Variants in LIPH observed in about 807,000 individuals in gnomAD.
LIPH encodes lipase member H.
In LIPH, 32 loss-of-function variants were observed where a neutral mutation model predicts 47.6. The ratio of observed to expected loss-of-function variants is 0.67; its 90% CI spans 0.51 to 0.90. The LOEUF (loss-of-function observed/expected upper bound fraction) is 0.90. LIPH is among the 40% of genes least tolerant of loss of function. The pLI, the probability that LIPH is intolerant of heterozygous loss-of-function variation, is 0.00. For missense variants in LIPH, 497 were observed against 541.4 expected, an observed-to-expected ratio of 0.92 and a Z score of 0.81; for synonymous variants, 190 against 195.6, an observed-to-expected ratio of 0.97 and a Z score of 0.24.
intron 8 of LIPH, among the ~76,000 whole-genome samples, chr3:185,513,673 C>T (rs1315500468): frequency 6.6e-6 from 1 of 152,102 alleles, no homozygotes; most frequent in African/African-American, 2.4e-5. Flanking sequence ...GAGGAGGCAA[C>T]CCAAGTGTTC....
intron 8 of LIPH, 84 bp from the exon 9 acceptor site, chr3:185,511,781 G>T: frequency 2.1e-6 from 2 of 943,112 alleles, no homozygotes; most frequent in Non-Finnish European, 3.4e-6. Context: ...TCACTGGTAA[G>T]CTGGTAACTA....
chr3:185,548,248 T>C (rs1356398716), intron 1 of LIPH, among the ~76,000 whole-genome samples: 1 of 151,336 alleles, frequency 6.6e-6, no homozygotes, highest in Non-Finnish European at 1.5e-5. Context: ...CTACTAAAAA[T>C]ACAAAAATTA....
intron 8 of LIPH, among the ~76,000 whole-genome samples, chr3:185,511,993 C>T (rs935184821): frequency 6.6e-6 from 1 of 152,150 alleles, no homozygotes; most frequent in Non-Finnish European, 1.5e-5. Flanking sequence ...GCCTAGTACA[C>T]ACCAGATGAT....
At chr3:185,519,980 C>T (rs1051563700) in intron 5 of LIPH, among the ~76,000 whole-genome samples, 17 of 151,856 alleles carry the variant, frequency 1.1e-4, no homozygotes, top group Non-Finnish European at 1.9e-4. Context: ...TTCAGGTCCA[C>T]CCTCAAATAT....
At position 185,517,090 on chromosome 3, in the gene LIPH, G is replaced by T; in HGVS notation, c.959C>A (p.Thr320Lys). The T allele has an allele frequency of 6.2e-7, 1 of 1,612,434 alleles. No homozygotes were observed. The highest frequency in any genetic ancestry group is 8.5e-7 in the Non-Finnish European group (1 of 1,178,414). Residue 320 changes from threonine (T) to lysine (K), a missense_variant, in exon 7 of 10, where the codon ACA (threonine) becomes AAA (lysine). Physicochemically the swap from Thr to Lys is moderately conservative, Grantham distance 78. Transcript: ENST00000296252. The stretch of plus-strand genomic sequence containing the variant: ...ACTGCAGAATGGGCTCTCCTCAGCT[G>T]TGTCAAAGAATGCCTTCGTCATTGG... ...DPPMTKAFFD[T>K]AEESPFCMYH...
Position 185,519,272 on chromosome 3 carries a change from T to C in LIPH, c.756A>G (p.Val252=), listed in dbSNP as rs1029949192. The C allele has an allele frequency of 6.2e-7, 1 of 1,613,366 alleles. No homozygotes were observed. The highest frequency in any genetic ancestry group is 8.5e-7 in the Non-Finnish European group (1 of 1,179,320). The change falls in exon 6 of 10, where the codon GTA becomes GTG. Residue 252 remains valine, a synonymous_variant. Transcript: ENST00000296252. ...QYFKCDHQRS[V]YLYLSSLRES... ...CTCTCAGGGAAGACAGGTACAGGTA[T>C]ACAGACCTCTGGTGGTCACATTTAA...
chr3:185,528,442 T>G (rs573632099), intron 3 of LIPH, among the ~76,000 whole-genome samples: 67 of 152,132 alleles, frequency 4.4e-4, no homozygotes, highest in Admixed American at 9.8e-4. Flanking sequence ...ATAAAGAACT[T>G]CCACTCTTAT....
At chr3:185,518,974 T>G (rs1719815796) in intron 6 of LIPH, among the ~76,000 whole-genome samples, 168 bp downstream of exon 6, 1 of 152,180 alleles carries the variant, frequency 6.6e-6, no homozygotes, top group Non-Finnish European at 1.5e-5. Context: ...TCCAGCTGCT[T>G]CAACCTCCCA....
chr3:185,552,337 G>C, intron 1 of LIPH, 86 bp downstream of exon 1: 1 of 915,554 alleles, frequency 1.1e-6, no homozygotes, highest in Non-Finnish European at 1.8e-6. Flanking sequence ...GTTCACCGAA[G>C]GAAGTGGAAT....
At position 185,527,576 on chromosome 3, in the gene LIPH, G is replaced by C; in HGVS notation, c.536C>G (p.Pro179Arg). ...TTTCCCGTTGAATAAAGGGCCTGCA[G>C]GGTCGAGGCCTGGAAGGAAAACAGA... ...GWLGRITGLD[P>R]AGPLFNGKPH... The change falls in exon 4 of 10, where the codon CCT (proline) becomes CGT (arginine). Residue 179 changes from proline to arginine, a missense_variant. Coordinates refer to ENST00000296252, the MANE Select transcript of LIPH (RefSeq NM_139248.3). 6.2e-7 allele frequency: 1 copy of C among 1,609,960 alleles called. No homozygotes were observed. Among genetic ancestry groups the C allele is most frequent in the Admixed American group, 1.7e-5 (1 of 59,652 alleles).
In LIPH at chr3:185,535,044, G is replaced by A; in HGVS notation, c.138C>T (p.Tyr46=). 1 of 1,613,812 alleles carries A rather than the reference G, an allele frequency of 6.2e-7. No individual in the cohort carries two copies. Among genetic ancestry groups the A allele is most frequent in the Non-Finnish European group, 8.5e-7 (1 of 1,179,868 alleles). ...GTGLNVRLML[Y]TRKNLTCAQT... ...GTGCGCAGGTCAGGTTTTTCCTTGT[G>A]TAGAGCATCAGCCTCACATTTAGTC... Residue 46 remains tyrosine (Y), a synonymous_variant, in exon 2 of 10, where the codon TAC becomes TAT. Coordinates refer to ENST00000296252, the MANE Select transcript of LIPH (RefSeq NM_139248.3).
At position 185,535,023 on chromosome 3, in the gene LIPH, G is replaced by C; in HGVS notation, c.159C>G (p.Cys53Trp). Residue 53 changes from cysteine to tryptophan, a missense_variant, in exon 2 of 10, where the codon TGC becomes TGG. Transcript: ENST00000296252. ...AAGCTGAGGAGTTGATGGTTTGTGC[G>C]CAGGTCAGGTTTTTCCTTGTGTAGA... Reference protein sequence around the residue: ...LMLYTRKNLTCAQTINSSAFG... With the variant: ...LMLYTRKNLTWAQTINSSAFG... 6 of 1,613,654 alleles carry C rather than the reference G, an allele frequency of 3.7e-6. No homozygotes were observed. Among genetic ancestry groups the C allele is most frequent in the Non-Finnish European group, 5.1e-6 (6 of 1,179,748 alleles).
intron 1 of LIPH, among the ~76,000 whole-genome samples, chr3:185,546,090 C>T (rs1209793105): frequency 2.0e-5 from 3 of 151,952 alleles, no homozygotes; most frequent in African/African-American, 7.3e-5. Flanking sequence ...TTCTTGAACC[C>T]AGGAGGCAGA....
rs377643470 is a variant in LIPH, at chr3:185,520,409, T to C, written c.719-1100A>G. Among the ~76,000 whole-genome samples the C allele has an allele frequency of 7.3e-4, 110 of 151,150 alleles. 2 individuals are homozygous for C. In the East Asian group the frequency reaches 0.018, roughly 25 times the overall value. ...TGGCGCGCCTGTAATCCCAGCTACT[T>C]GGGAGGCTGAGGCAGGAGAATCGCT... On this transcript the variant is annotated intron_variant, in intron 5 of 9. Coordinates refer to ENST00000296252, the MANE Select transcript of LIPH (RefSeq NM_139248.3).
intron 3 of LIPH, among the ~76,000 whole-genome samples, chr3:185,528,262 G>A (rs1720177614): frequency 7.1e-6 from 1 of 141,512 alleles, no homozygotes; most frequent in Non-Finnish European, 1.5e-5. Flanking sequence ...AAAAAAGAAA[G>A]AAAGCAAGCA....
intron 8 of LIPH, among the ~76,000 whole-genome samples, chr3:185,513,402 T>C (rs1483250072): frequency 6.6e-6 from 1 of 151,690 alleles, no homozygotes; most frequent in East Asian, 1.9e-4. Flanking sequence ...CCCATCCAGA[T>C]GGTTAATATC....
At position 185,551,532 on chromosome 3, in the gene LIPH, C is replaced by T. The variant is rs533040378; in HGVS notation, c.49+891G>A. On this transcript the variant is annotated intron_variant, in intron 1 of 9. Coordinates refer to ENST00000296252, the MANE Select transcript of LIPH (RefSeq NM_139248.3). ...TTGATATACTGTCTTTTATCCATTC[C>T]TGTATGTAGAAACATTTTGGTTATA... Among the ~76,000 whole-genome samples the T allele has an allele frequency of 1.1e-4, 16 of 152,196 alleles. No homozygotes were observed. In the South Asian group the frequency reaches 3.3e-3, roughly 32 times the overall value.
At chr3:185,519,023 A>C (rs1324468438) in intron 6 of LIPH, 119 bp downstream of exon 6, 2 of 866,714 alleles carry the variant, frequency 2.3e-6, no homozygotes, top group Non-Finnish European at 3.9e-6. Context: ...TGTGCCCAGC[A>C]GAAAAACAAG....
chr3:185,552,341 G>C (rs1577696984), intron 1 of LIPH, 82 bp downstream of exon 1: 1 of 951,438 alleles, frequency 1.1e-6, no homozygotes, highest in Non-Finnish European at 1.7e-6. Context: ...ACCGAAGGAA[G>C]TGGAATGATG....
Sources: allele counts gnomAD v4.1 joint callset (sites outside exome capture counted in the v4.1 genomes callset), GRCh38; gene constraint gnomAD v4.1.1; transcripts MANE v1.5; gene names NCBI Gene and HGNC (gene_info 2026-07-23, HGNC 2026-07-21).